Variants in ATL1 observed in about 807,000 individuals in gnomAD.
The protein encoded by ATL1 is atlastin-1.
ATL1 carries 31 observed loss-of-function variants against 75.5 expected under a neutral mutation model. The ratio of observed to expected loss-of-function variants is 0.41; its 90% CI spans 0.31 to 0.55. The LOEUF (loss-of-function observed/expected upper bound fraction) is 0.55. ATL1 is among the 20% of genes least tolerant of loss of function. The pLI is 0.27. For synonymous variants in ATL1, 226 were observed against 233.3 expected (o/e 0.97, Z 0.28); for missense variants, 405 against 662.6 (o/e 0.61, Z 4.27).
intron 4 of ATL1, among the ~76,000 whole-genome samples, chr14:50,593,172 T>C (rs1208155453): frequency 6.6e-6 from 1 of 151,936 alleles, no homozygotes; most frequent in Non-Finnish European, 1.5e-5. Flanking sequence ...TTGACCTGAA[T>C]ACATTGAATA....
chr14:50,574,937 G>GTGTATATATATATATA (rs1475087119), intron 1 of ATL1, among the ~76,000 whole-genome samples: 6 of 23,160 alleles, frequency 2.6e-4, no homozygotes, highest in African/African-American at 1.1e-3. Flanking sequence ...GTGTGTGTGT[G>GTGTATATATATATATA]TATATATATA....
At chr14:50,555,334 T>G (rs2038753088), upstream of ATL1, among the ~76,000 whole-genome samples, 1 of 152,348 alleles carries the variant, frequency 6.6e-6, no homozygotes. Flanking sequence ...CAGGCTGGAG[T>G]GCAGTGGCGT....
chr14:50,580,175 A>G (rs2039042892), intron 1 of ATL1, among the ~76,000 whole-genome samples: 1 of 152,168 alleles, frequency 6.6e-6, no homozygotes, highest in South Asian at 2.1e-4. Flanking sequence ...TTATTTATCC[A>G]TTCCCTAGTT....
At chr14:50,584,678 C>CA (rs1218091818) in intron 1 of ATL1, among the ~76,000 whole-genome samples, 6 of 151,888 alleles carry the variant, frequency 4.0e-5, no homozygotes, top group Non-Finnish European at 7.4e-5. Context: ...CACTGCACTC[C>CA]AGCCTGGGCG....
At chr14:50,570,296 G>T (rs1183388244) in intron 1 of ATL1, among the ~76,000 whole-genome samples, 1 of 151,952 alleles carries the variant, frequency 6.6e-6, no homozygotes, top group Non-Finnish European at 1.5e-5. Context: ...CTTCAAGTTT[G>T]CTGATTTTTT....
chr14:50,615,404 A>G (rs1003836119), intron 8 of ATL1, among the ~76,000 whole-genome samples: 1 of 152,244 alleles, frequency 6.6e-6, no homozygotes, highest in African/African-American at 2.4e-5. Flanking sequence ...AAAGGACAAT[A>G]TAACTTGTAT....
chr14:50,616,125 C>T (rs1179788057), intron 8 of ATL1, among the ~76,000 whole-genome samples: 1 of 151,874 alleles, frequency 6.6e-6, no homozygotes, highest in Admixed American at 6.6e-5. Flanking sequence ...TCCCAAGTAG[C>T]TAGGACTAAA....
chr14:50,612,904 C>T (rs2039379342), intron 6 of ATL1, among the ~76,000 whole-genome samples: 1 of 152,116 alleles, frequency 6.6e-6, no homozygotes. Context: ...TGCCTGCATT[C>T]AGCCATACCT....
chr14:50,600,228 T>G (rs1236377374), intron 6 of ATL1, among the ~76,000 whole-genome samples: 2 of 147,148 alleles, frequency 1.4e-5, no homozygotes, highest in Non-Finnish European at 3.0e-5. Flanking sequence ...AGATGAGAGA[T>G]AAAGATTGAT....
rs187545226 is a variant in ATL1, at chr14:50,591,734, A to C, written c.522+95A>C. On this transcript the variant is annotated intron_variant, in intron 4 of 13. Transcript: ENST00000358385. ...ATGTTATAATTAGATAAACAACAGA[A>C]ATTGGGAATCATATATATTGTTTGA... is the stretch of plus-strand genomic sequence containing the variant. The C allele has an allele frequency of 6.7e-6, 6 of 891,450 alleles. No homozygotes were observed. In the East Asian group the frequency reaches 1.6e-4, roughly 23 times the overall value. 55.2% of individuals were successfully genotyped at this position (891,450 alleles called of 1,614,324 possible).
intron 1 of ATL1, among the ~76,000 whole-genome samples, chr14:50,575,741 G>A (rs756180989): frequency 1.3e-4 from 15 of 117,472 alleles, no homozygotes; most frequent in Non-Finnish European, 2.0e-4. Context: ...CTTAGTTTAT[G>A]CTGGAAAAAT....
chr14:50,556,494 A>G (rs1381148416), upstream of ATL1, among the ~76,000 whole-genome samples: 1 of 152,188 alleles, frequency 6.6e-6, no homozygotes, highest in East Asian at 1.9e-4. Flanking sequence ...CTGGGATTAC[A>G]GGCGTGAGCC....
rs755019483 is a variant in ATL1, at chr14:50,587,881, G to T, written c.85G>T (p.Val29Leu). ...YEWSSEEEEP[V>L]KKAGPVQVLI... Reference sequence around the variant, plus strand: ...ATGGAGCTCAGAAGAGGAGGAGCCAGTGAAAAAGGCAGGACCAGTCCAAGT... The same window carrying T: ...ATGGAGCTCAGAAGAGGAGGAGCCATTGAAAAAGGCAGGACCAGTCCAAGT... Residue 29 changes from valine (V) to leucine (L), a missense_variant, in exon 2 of 14, where the codon GTG (valine) becomes TTG (leucine). Val to Leu is a conservative substitution (Grantham distance 32). Coordinates refer to ENST00000358385, the MANE Select transcript of ATL1 (RefSeq NM_015915.5). 1.2e-6 allele frequency: 2 copies of T among 1,614,170 alleles called. 1 individual carries two copies. Among genetic ancestry groups the T allele is most frequent in the South Asian group, 2.2e-5 (2 of 91,080 alleles).
chr14:50,540,272 A>G (rs953740434), intron 1 of ATL1, among the ~76,000 whole-genome samples: 1 of 152,240 alleles, frequency 6.6e-6, no homozygotes, highest in Non-Finnish European at 1.5e-5. Context: ...GGAATGAATA[A>G]AACCATCAGC....
intron 11 of ATL1, among the ~76,000 whole-genome samples, chr14:50,625,171 T>C (rs1027155128): frequency 2.6e-5 from 4 of 152,076 alleles, no homozygotes. Context: ...TTAGTTTGGA[T>C]AGAAAATCAA....
chr14:50,620,499 A>G (rs922686326), intron 8 of ATL1, 100 bp from the exon 9 acceptor site: 1 of 1,285,706 alleles, frequency 7.8e-7, no homozygotes, highest in African/African-American at 1.5e-5. Flanking sequence ...TGGCATTATC[A>G]CTGGGGAGGA....
At chr14:50,594,725 T>G (rs1411606371) in intron 5 of ATL1, among the ~76,000 whole-genome samples, 1 of 152,210 alleles carries the variant, frequency 6.6e-6, no homozygotes, top group Non-Finnish European at 1.5e-5. Context: ...CCGGGTGCAG[T>G]GGCTTACGCC....
chr14:50,600,090 A>G lies in ATL1; in HGVS notation c.630+4458A>G, dbSNP rs2039258203. ...ACTTGTTACTCAGAACCACTGGCAA[A>G]CCAGAGTAGGGAACTCCATTGTAAA... On this transcript the variant is annotated intron_variant, in intron 6 of 13. Transcript: ENST00000358385. 3.3e-5 allele frequency among the ~76,000 whole-genome samples: 5 copies of G among 151,956 alleles called. 1 individual carries two copies. The highest frequency in any genetic ancestry group is 3.3e-4 in the Admixed American group (5 of 15,244).
At chr14:50,599,524 T>C (rs1006288257) in intron 6 of ATL1, among the ~76,000 whole-genome samples, 2 of 152,144 alleles carry the variant, frequency 1.3e-5, no homozygotes, top group East Asian at 1.9e-4. Context: ...AGGATATTTA[T>C]TGATAGAGTA....
Sources: gnomAD v4.1 joint callset for allele counts (sites outside exome capture counted in the v4.1 genomes callset) on GRCh38, gnomAD v4.1.1 for gene constraint, MANE v1.5 for transcripts, NCBI Gene and HGNC (gene_info 2026-07-23, HGNC 2026-07-21) for gene names.